The following POT1 variants were observed in gnomAD, a reference collection of about 807,000 sequenced individuals.
The protein encoded by POT1 is protection of telomeres 1.
POT1 carries 47 observed loss-of-function variants against 78.5 expected under a neutral mutation model. The ratio of observed to expected loss-of-function variants is 0.60; its 90% CI spans 0.47 to 0.76. POT1 has a LOEUF of 0.76. Among genes scored for constraint, POT1 ranks in the 30% least tolerant of loss-of-function variants. POT1 has a pLI of 0.00. For missense variants in POT1, 646 were observed against 749.9 expected, an observed-to-expected ratio of 0.86 and a Z score of 1.62; for synonymous variants, 259 against 260.7, an observed-to-expected ratio of 0.99 and a Z score of 0.06.
intron 3 of POT1, among the ~76,000 whole-genome samples, chr7:124,908,813 A>C (rs897665930): frequency 6.6e-6 from 1 of 151,952 alleles, no homozygotes; most frequent in African/African-American, 2.4e-5. Flanking sequence ...ACATTCATAC[A>C]TATATAGATA....
intron 17 of POT1, 102 bp from the exon 18 acceptor site, chr7:124,825,459 T>C: frequency 1.5e-6 from 1 of 655,466 alleles, no homozygotes; most frequent in Non-Finnish European, 2.4e-6. Context: ...AAAGATAATC[T>C]AGACAGTTTC....
At chr7:124,902,292 CA>C (rs1796641259) in intron 3 of POT1, among the ~76,000 whole-genome samples, 1 of 152,112 alleles carries the variant, frequency 6.6e-6, no homozygotes, top group African/African-American at 2.4e-5. Context: ...TCAGGTTACC[CA>C]CAAAGGGAAG....
chr7:124,831,142 A>G (rs951165751), intron 15 of POT1, among the ~76,000 whole-genome samples: 7 of 152,182 alleles, frequency 4.6e-5, no homozygotes, highest in Non-Finnish European at 1.0e-4. Context: ...AAATTACAAA[A>G]TTAATGCCAA....
At chr7:124,865,540 C>T (rs752529861) in intron 7 of POT1, among the ~76,000 whole-genome samples, 8 of 151,774 alleles carry the variant, frequency 5.3e-5, no homozygotes, top group Admixed American at 1.3e-4. Context: ...TCTATTTAGC[C>T]CATCCATTAG....
At chr7:124,846,660 C>G (rs1795175311) in intron 12 of POT1, among the ~76,000 whole-genome samples, 1 of 148,778 alleles carries the variant, frequency 6.7e-6, no homozygotes, top group African/African-American at 2.5e-5. Flanking sequence ...TACATGACTT[C>G]AAATACATCA....
intron 3 of POT1, among the ~76,000 whole-genome samples, chr7:124,901,087 G>T (rs949033602): frequency 2.6e-5 from 4 of 152,198 alleles, no homozygotes; most frequent in African/African-American, 9.6e-5. Flanking sequence ...CATAGCTGAA[G>T]AAGAGGCAGC....
intron 2 of POT1, among the ~76,000 whole-genome samples, chr7:124,917,657 A>C (rs6944776): frequency 6.6e-6 from 1 of 152,310 alleles, no homozygotes; most frequent in East Asian, 1.9e-4. Flanking sequence ...TTAGATTAAA[A>C]GACATTAATC....
In POT1 at chr7:124,863,518, A is replaced by T. The variant is rs1441517065; in HGVS notation, c.378T>A (p.Thr126=). The T allele has an allele frequency of 6.2e-7, 1 of 1,613,978 alleles. No homozygotes were observed. The highest frequency in any genetic ancestry group is 8.5e-7 in the Non-Finnish European group (1 of 1,179,858). The change falls in exon 8 of 19, where the codon ACT becomes ACA. Residue 126 remains threonine (T), a synonymous_variant. Coordinates refer to ENST00000357628, the MANE Select transcript of POT1 (RefSeq NM_015450.3). The part of the protein sequence containing the change: ...PRTSSKYFNF[T]TEDHKMVEAL... The stretch of plus-strand genomic sequence containing the variant: ...CTTCTACCATTTTGTGGTCCTCAGT[A>T]GTGAAGTTAAAATACTTGCTTGAAG...
At chr7:124,846,843 G>C in intron 12 of POT1, 99 bp downstream of exon 12, 1 of 839,210 alleles carries the variant, frequency 1.2e-6, no homozygotes, top group Non-Finnish European at 1.9e-6. Context: ...AAGGATATGT[G>C]TTCTACTATT....
At position 124,894,764 on chromosome 7, in the gene POT1, G is replaced by A. The variant is rs182139109; in HGVS notation, c.10-2384C>T. Among the ~76,000 whole-genome samples the A allele has an allele frequency of 4.6e-5, 7 of 151,618 alleles. No individual in the cohort carries two copies. The East Asian group carries it at 1.4e-3, about 29-fold the overall frequency. ...GTATTCCATAAAAAAGGACTGTAGA[G>A]GGACATCCAAATCAGTGTGAACAAA... On this transcript the variant is annotated intron_variant, in intron 5 of 18. Transcript: ENST00000357628.
chr7:124,899,563 T>C (rs1293336639), intron 3 of POT1, among the ~76,000 whole-genome samples: 1 of 152,190 alleles, frequency 6.6e-6, no homozygotes, highest in Admixed American at 6.5e-5. Context: ...GTTACCTTTT[T>C]TCAGTTTTAC....
At chr7:124,860,140 C>CA (rs1468636958) in intron 8 of POT1, among the ~76,000 whole-genome samples, 1 of 150,940 alleles carries the variant, frequency 6.6e-6, no homozygotes, top group African/African-American at 2.4e-5. Flanking sequence ...AATCACTGTC[C>CA]GGAAAAAAAA....
intron 6 of POT1, among the ~76,000 whole-genome samples, chr7:124,878,794 A>G (rs534008486): frequency 6.6e-6 from 1 of 152,128 alleles, no homozygotes; most frequent in East Asian, 1.9e-4. Context: ...AAATATGAAG[A>G]AAACTAAAAT....
intron 3 of POT1, among the ~76,000 whole-genome samples, chr7:124,904,863 A>G (rs1796720397): frequency 6.6e-6 from 1 of 152,134 alleles, no homozygotes; most frequent in Non-Finnish European, 1.5e-5. Flanking sequence ...ACAGACAAAC[A>G]GCCAAATCAT....
At chr7:124,832,566 G>A (rs1300345838) in intron 15 of POT1, among the ~76,000 whole-genome samples, 1 of 152,052 alleles carries the variant, frequency 6.6e-6, no homozygotes, top group Non-Finnish European at 1.5e-5. Context: ...TGTAATCCCA[G>A]CACTTTGGGA....
intron 6 of POT1, among the ~76,000 whole-genome samples, chr7:124,875,587 G>T (rs1260206078): frequency 6.6e-6 from 1 of 152,106 alleles, no homozygotes; most frequent in Admixed American, 6.5e-5. Context: ...TGAATCAGAA[G>T]CTAAATGCAA....
chr7:124,896,631 G>C (rs2116641419), intron 5 of POT1, among the ~76,000 whole-genome samples: 1 of 151,800 alleles, frequency 6.6e-6, no homozygotes, highest in South Asian at 2.1e-4. Flanking sequence ...TCGGCTACAA[G>C]TAGACTATCT....
At chr7:124,835,507 C>T in intron 14 of POT1, 93 bp from the exon 15 acceptor site, 1 of 1,338,904 alleles carries the variant, frequency 7.5e-7, no homozygotes, top group Non-Finnish European at 1.0e-6. Context: ...TAATAAAAGA[C>T]TAAAGGAATT....
intron 9 of POT1, among the ~76,000 whole-genome samples, chr7:124,858,300 T>C (rs1795496505): frequency 6.6e-6 from 1 of 152,190 alleles, no homozygotes; most frequent in East Asian, 1.9e-4. Context: ...TATTATTTAC[T>C]GCATTATTAT....
Sources: allele counts gnomAD v4.1 joint callset (sites outside exome capture counted in the v4.1 genomes callset), GRCh38; gene constraint gnomAD v4.1.1; transcripts MANE v1.5; gene names NCBI Gene and HGNC (gene_info 2026-07-23, HGNC 2026-07-21).